RAB38: variants seen among roughly 807,000 people sequenced by gnomAD.
The protein encoded by RAB38 is ras-related protein Rab-38.
Under a neutral mutation model 18.4 loss-of-function variants are expected in RAB38, and 15 were observed. The observed-to-expected ratio is 0.82, with a 90% CI of 0.55 to 1.26. The LOEUF (loss-of-function observed/expected upper bound fraction) is 1.26. Ranked by LOEUF, RAB38 falls within the 50% of genes most tolerant of loss-of-function variation. The pLI, the probability that RAB38 is intolerant of heterozygous loss-of-function variation, is 0.00. For missense variants in RAB38, 294 were observed against 267.4 expected (o/e 1.10, Z -0.69); for synonymous variants, 101 against 104.4 (o/e 0.97, Z 0.20).
intron 2 of RAB38, 86 bp downstream of exon 2, chr11:88,149,589 T>C: frequency 6.9e-7 from 1 of 1,438,970 alleles, no homozygotes; most frequent in Non-Finnish European, 9.4e-7. Flanking sequence ...AAACATATTA[T>C]TATCATTATG....
intron 1 of RAB38, chr11:88,167,740 A>G (rs942501541): frequency 6.6e-6 from 1 of 152,172 alleles, no homozygotes; most frequent in Non-Finnish European, 1.5e-5. Flanking sequence ...AGCTGAAAAA[A>G]TGAGTAAAAC....
chr11:87,873,922 G>GTGTATATATATA, the RAB38 span, among the ~76,000 whole-genome samples: 83 of 103,088 alleles, frequency 8.1e-4, no homozygotes, highest in African/African-American at 2.5e-3. Context: ...GTGTGTGTGT[G>GTGTATATATATA]TATATATATA....
chr11:87,937,351 T>TATATATATATATATATA, the RAB38 span, among the ~76,000 whole-genome samples: 6 of 112,104 alleles, frequency 5.4e-5, no homozygotes, highest in South Asian at 6.5e-4. Flanking sequence ...TATATATATA[T>TATATATATATATATATA]CATAATTCTA....
chr11:87,896,756 C>G, the RAB38 span, among the ~76,000 whole-genome samples: 1 of 151,552 alleles, frequency 6.6e-6, no homozygotes, highest in Non-Finnish European at 1.5e-5. Flanking sequence ...TCAATTTCCT[C>G]CTTTGTAATC....
At chr11:88,171,603 C>A (rs1437768643) in intron 1 of RAB38, among the ~76,000 whole-genome samples, 1 of 152,124 alleles carries the variant, frequency 6.6e-6, no homozygotes, top group Non-Finnish European at 1.5e-5. Flanking sequence ...ATTCTAGTGG[C>A]CTAACCAGCT....
the RAB38 span, among the ~76,000 whole-genome samples, chr11:88,097,473 C>T: frequency 6.6e-6 from 1 of 151,732 alleles, no homozygotes; most frequent in East Asian, 1.9e-4. Flanking sequence ...GAAAGAGTAA[C>T]CAAGAATAGA....
At chr11:88,085,997 A>G in the RAB38 span, among the ~76,000 whole-genome samples, 1 of 151,860 alleles carries the variant, frequency 6.6e-6, no homozygotes. Flanking sequence ...GACTGGTTTG[A>G]ACTTTACCTC....
At chr11:87,927,205 T>C in the RAB38 span, among the ~76,000 whole-genome samples, 1 of 152,088 alleles carries the variant, frequency 6.6e-6, no homozygotes, top group Non-Finnish European at 1.5e-5. Flanking sequence ...GATCCATACC[T>C]GGCTGTGAGC....
chr11:87,847,861 C>A, the RAB38 span, among the ~76,000 whole-genome samples: 1 of 152,048 alleles, frequency 6.6e-6, no homozygotes, highest in East Asian at 1.9e-4. Context: ...CCAAACATGT[C>A]TATAGACCTT....
At chr11:87,872,316 G>A in the RAB38 span, among the ~76,000 whole-genome samples, 3 of 151,306 alleles carry the variant, frequency 2.0e-5, no homozygotes, top group Non-Finnish European at 3.0e-5. Flanking sequence ...AGCAATTTTA[G>A]GTACACAACA....
At chr11:88,053,591 T>C in the RAB38 span, among the ~76,000 whole-genome samples, 1 of 151,510 alleles carries the variant, frequency 6.6e-6, no homozygotes, top group African/African-American at 2.4e-5. Flanking sequence ...GAAAGATGCA[T>C]TTATAAAAAC....
the RAB38 span, among the ~76,000 whole-genome samples, chr11:88,048,886 T>C: frequency 6.6e-6 from 1 of 152,216 alleles, no homozygotes. Flanking sequence ...TCTGGTTAGA[T>C]GTCCTAGGTC....
the RAB38 span, among the ~76,000 whole-genome samples, chr11:87,821,090 T>A: frequency 2.2e-3 from 333 of 152,256 alleles, 2 homozygotes; most frequent in Middle Eastern, 0.01. Context: ...AGGCTGAGAA[T>A]TTTCCAGCAG....
chr11:87,925,013 T>C, the RAB38 span, among the ~76,000 whole-genome samples: 2 of 151,644 alleles, frequency 1.3e-5, no homozygotes, highest in Non-Finnish European at 2.9e-5. Flanking sequence ...ACGAGGGAGG[T>C]TGGTGTGCTC....
At chr11:87,823,767 G>A in the RAB38 span, among the ~76,000 whole-genome samples, 1 of 151,840 alleles carries the variant, frequency 6.6e-6, no homozygotes. Context: ...TAGATGAACC[G>A]ACAAATAAAA....
At chr11:88,140,744 GATAA>G (rs1269087528) in intron 2 of RAB38, among the ~76,000 whole-genome samples, 3 of 152,168 alleles carry the variant, frequency 2.0e-5, no homozygotes, top group African/African-American at 7.2e-5. Context: ...AAGGAGTAGA[GATAA>G]GCTTGGAGAA....
the RAB38 span, among the ~76,000 whole-genome samples, chr11:88,059,516 A>C: frequency 6.6e-6 from 1 of 152,224 alleles, no homozygotes; most frequent in Non-Finnish European, 1.5e-5. Flanking sequence ...AGACCTCCAC[A>C]CAGGCCACAT....
the RAB38 span, among the ~76,000 whole-genome samples, chr11:88,032,059 C>T: frequency 0.017 from 2,545 of 150,874 alleles, 68 homozygotes; most frequent in African/African-American, 0.059. Flanking sequence ...AGAACAGAGC[C>T]CTCAGAAATA....
chr11:87,948,650 T>C, the RAB38 span, among the ~76,000 whole-genome samples: 3 of 151,038 alleles, frequency 2.0e-5, no homozygotes, highest in African/African-American at 4.9e-5. Context: ...TCTATTGAGA[T>C]AATCATGTGG....
Sources: allele counts gnomAD v4.1 joint callset (sites outside exome capture counted in the v4.1 genomes callset), GRCh38; gene constraint gnomAD v4.1.1; transcripts MANE v1.5; gene names NCBI Gene and HGNC (gene_info 2026-07-23, HGNC 2026-07-21).